Variants in CACNA1A observed in about 807,000 individuals in gnomAD.
CACNA1A encodes the protein voltage-dependent P/Q-type calcium channel subunit alpha-1A.
CACNA1A carries 57 observed loss-of-function variants against 262.4 expected under a neutral mutation model. The observed-to-expected ratio is 0.22, with a 90% CI of 0.18 to 0.27. The LOEUF (loss-of-function observed/expected upper bound fraction) is 0.27. Ranked by LOEUF, CACNA1A falls within the 10% of genes least tolerant of loss-of-function variation. CACNA1A has a pLI of 1.00. For missense variants in CACNA1A, 2,526 were observed against 3,562.8 expected, an observed-to-expected ratio of 0.71 and a Z score of 7.41; for synonymous variants, 1,431 against 1,419.3, an observed-to-expected ratio of 1.01 and a Z score of -0.18.
chr19:13,289,395 C>T (rs530199035), intron 19 of CACNA1A, among the ~76,000 whole-genome samples: 1 of 152,232 alleles, frequency 6.6e-6, no homozygotes, highest in East Asian at 1.9e-4. Context: ...GACCCTCTTG[C>T]CTCAGCCTCC....
At chr19:13,234,784 G>A (rs182544017) in intron 34 of CACNA1A, 137 bp downstream of exon 34, 49 of 646,622 alleles carry the variant, frequency 7.6e-5, no homozygotes, top group East Asian at 3.8e-4. Flanking sequence ...GGGTGAGGGC[G>A]CGCCCCTGCC....
At chr19:13,453,093 A>G in intron 2 of CACNA1A, 78 bp from the exon 3 acceptor site, 1 of 1,457,482 alleles carries the variant, frequency 6.9e-7, no homozygotes, top group Admixed American at 1.7e-5. Context: ...CCCACCTAGA[A>G]ATCAGTACCT....
intron 10 of CACNA1A, among the ~76,000 whole-genome samples, chr19:13,322,529 T>A (rs1160414752): frequency 1.3e-5 from 2 of 152,130 alleles, no homozygotes; most frequent in African/African-American, 4.8e-5. Flanking sequence ...ATAGAGCCTG[T>A]GTTATTAAAA....
Position 13,365,356 on chromosome 19 carries a change from T to A in CACNA1A, c.745A>T (p.Met249Leu). Reference protein sequence around the residue: ...IFAIIGLEFYMGKFHTTCFEE... With the variant: ...IFAIIGLEFYLGKFHTTCFEE... ...AAGCAGGTGGTATGAAATTTTCCCA[T>A]ATAAAATTCTAACCCTATGATTGCA... Residue 249 changes from methionine to leucine, a missense_variant, in exon 5 of 47, where the codon ATG becomes TTG. Transcript: ENST00000360228. 1 of 1,613,406 alleles carries A rather than the reference T, an allele frequency of 6.2e-7. No homozygotes were observed. Among genetic ancestry groups the A allele is most frequent in the Non-Finnish European group, 8.5e-7 (1 of 1,179,490 alleles).
chr19:13,287,793 C>T (rs989836093), intron 19 of CACNA1A, among the ~76,000 whole-genome samples: 2 of 149,064 alleles, frequency 1.3e-5, no homozygotes, highest in African/African-American at 2.4e-5. Context: ...TGAGCCACTG[C>T]ACCTGGCCTC....
At chr19:13,375,610 A>G (rs902487689) in intron 3 of CACNA1A, among the ~76,000 whole-genome samples, 5 of 152,068 alleles carry the variant, frequency 3.3e-5, no homozygotes. Flanking sequence ...CAAAATAGGG[A>G]GACCCTATCT....
intron 31 of CACNA1A, among the ~76,000 whole-genome samples, chr19:13,243,158 C>T (rs147201896): frequency 0.01 from 1,586 of 152,320 alleles, 31 homozygotes; most frequent in African/African-American, 0.036. Context: ...GGAGCTCCAG[C>T]CCTCTCTAGA....
Position 13,230,219 on chromosome 19 carries a change from C to T in CACNA1A, c.5401-10G>A, listed in dbSNP as rs370129945. 269 of 1,613,368 alleles carry T rather than the reference C, an allele frequency of 1.7e-4. 1 individual carries two copies. The highest frequency in any genetic ancestry group is 2.0e-4 in the Non-Finnish European group (241 of 1,179,688). ...CAAAGAGATTCAGCATCTGTGGGGA[C>T]CCCGGGGACCAAGAGAGAATGGGGG... On this transcript the variant is annotated splice_polypyrimidine_tract_variant and intron_variant, in intron 35 of 46. Transcript: ENST00000360228.
Position 13,207,447 on chromosome 19 carries a change from C to A in CACNA1A, c.7387G>T (p.Ala2463Ser), listed in dbSNP as rs1029164407. 1.3e-5 allele frequency: 19 copies of A among 1,512,282 alleles called. No individual in the cohort carries two copies. In the African/African-American group the frequency reaches 2.7e-4, roughly 22 times the overall value. 93.7% of individuals were successfully genotyped at this position (1,512,282 alleles called of 1,614,324 possible). A position where few individuals can be genotyped will look rare whatever the true frequency, so the allele number is the denominator to read the frequency against. The change falls in exon 47 of 47, where the codon GCC becomes TCC. Residue 2463 changes from alanine (A) to serine (S), a missense_variant. Coordinates refer to ENST00000360228, the MANE Select transcript of CACNA1A (RefSeq NM_001127222.2). This position sits in a 1 kb window ranked among gnomAD's most constrained non-coding sequence, Gnocchi z 5.7. ...CGCCGGCCGTGCCGAGAAGGCGAGG[C>A]GCAGGCCGGGCCCGAGGCCCGGGGA... ...RTPRASGPACASPSRHGRRLP... is the reference protein window; with the variant it reads ...RTPRASGPACSSPSRHGRRLP...
chr19:13,282,000 A>G (rs78376724), intron 22 of CACNA1A, among the ~76,000 whole-genome samples: 2,857 of 152,284 alleles, frequency 0.019, 38 homozygotes, highest in Non-Finnish European at 0.031. Flanking sequence ...GGACCCCTCC[A>G]GGGACACCTC....
rs147861838 is a variant in CACNA1A at position 13,465,222 on chromosome 19, C to T, written c.294-10010G>A. ...CTGGGATTACAGGCATGAGCCACCG[C>T]GTCCAGCCTTAGTTCCTTTTCTTCA... On this transcript the variant is annotated intron_variant, in intron 1 of 46. Transcript: ENST00000360228. 1.1e-3 allele frequency among the ~76,000 whole-genome samples: 164 copies of T among 152,050 alleles called. 2 individuals are homozygous for T. In the East Asian group the frequency reaches 0.027, roughly 25 times the overall value.
intron 3 of CACNA1A, among the ~76,000 whole-genome samples, chr19:13,414,468 A>C (rs1245418372): frequency 6.6e-6 from 1 of 152,168 alleles, no homozygotes; most frequent in Non-Finnish European, 1.5e-5. Context: ...AGTATCTTGA[A>C]AGCAATAAGG....
At chr19:13,222,259 C>A (rs1265372732) in intron 38 of CACNA1A, among the ~76,000 whole-genome samples, 2 of 152,110 alleles carry the variant, frequency 1.3e-5, no homozygotes, top group African/African-American at 4.8e-5. Context: ...CCAGGCTGAT[C>A]TCGAACTCCT....
intron 36 of CACNA1A, among the ~76,000 whole-genome samples, chr19:13,228,390 A>G (rs986834024): frequency 1.1e-4 from 16 of 151,504 alleles, no homozygotes; most frequent in African/African-American, 3.9e-4. Context: ...CAAAGTTACA[A>G]TCCCCCAGGG....
chr19:13,495,425 T>C (rs1183923716), intron 1 of CACNA1A, among the ~76,000 whole-genome samples: 1 of 152,120 alleles, frequency 6.6e-6, no homozygotes, highest in Non-Finnish European at 1.5e-5. Context: ...GCCTCCCAGG[T>C]AGCTGGGACT....
At position 13,207,344 on chromosome 19, in the gene CACNA1A, G is replaced by A. The variant is rs1475867871; in HGVS notation, c.7490C>T (p.Pro2497Leu). ...CCAATCATCGTCACTCTCGCTGTAG[G>A]GTTCGTGCAGGCCCTTCCTGGAGCC... is the stretch of plus-strand genomic sequence containing the variant. The part of the protein sequence containing the change: ...GPGSRKGLHE[P>L]YSESDDDWC The change falls in exon 47 of 47, where the codon CCC (proline) becomes CTC (leucine). Residue 2497 changes from proline (P) to leucine (L), a missense_variant. This residue lies in a region of CACNA1A where 929 missense variants were observed against 868.1 expected (regional missense o/e 1.07). Coordinates refer to ENST00000360228, the MANE Select transcript of CACNA1A (RefSeq NM_001127222.2). This position sits in a 1 kb window ranked among gnomAD's most constrained non-coding sequence, Gnocchi z 5.7. The A allele has an allele frequency of 6.4e-7, 1 of 1,560,172 alleles. No individual in the cohort carries two copies. Among genetic ancestry groups the A allele is most frequent in the Non-Finnish European group, 8.6e-7 (1 of 1,160,334 alleles).
At chr19:13,234,576 G>A (rs2055802106) in intron 34 of CACNA1A, among the ~76,000 whole-genome samples, 1 of 152,006 alleles carries the variant, frequency 6.6e-6, no homozygotes, top group Admixed American at 6.6e-5. Flanking sequence ...CTATGTCCCA[G>A]GGCCCTCTGC....
chr19:13,474,335 G>C (rs758337309), intron 1 of CACNA1A, among the ~76,000 whole-genome samples: 11 of 152,208 alleles, frequency 7.2e-5, no homozygotes, highest in Non-Finnish European at 1.2e-4. Context: ...CCAAGCTTGA[G>C]GCGCTTCAGA....
At chr19:13,376,855 TATGTTATATGTGATATATATAACAC>T (rs982103501) in intron 3 of CACNA1A, among the ~76,000 whole-genome samples, 1 of 144,234 alleles carries the variant, frequency 6.9e-6, no homozygotes, top group Non-Finnish European at 1.5e-5. Context: ...ATATAACACA[TATGTTATATGTGATATATATAACAC>T]ATGATATATG....
Sources: allele counts gnomAD v4.1 joint callset (sites outside exome capture counted in the v4.1 genomes callset), GRCh38; gene constraint gnomAD v4.1.1; regional missense constraint gnomAD v4.1.1; non-coding constraint Gnocchi (gnomAD v3.1); transcripts MANE v1.5; gene names NCBI Gene and HGNC (gene_info 2026-07-23, HGNC 2026-07-21).